The following PRKD2 variants were observed in gnomAD, a reference collection of about 807,000 sequenced individuals.
The protein encoded by PRKD2 is serine/threonine-protein kinase D2.
A neutral mutation model predicts 86.0 loss-of-function variants in PRKD2; 22 were observed. That is an observed-to-expected ratio of 0.26 (90% CI 0.18 to 0.37). PRKD2 has a LOEUF of 0.37. PRKD2 is among the 10% of genes least tolerant of loss of function. The probability of loss-of-function intolerance (pLI) is 1.00; values close to 1 mark genes in which losing one functional copy is unlikely to be tolerated. For synonymous variants in PRKD2, 509 were observed against 510.9 expected, an observed-to-expected ratio of 1.00 and a Z score of 0.05; for missense variants, 818 against 1,199.2, an observed-to-expected ratio of 0.68 and a Z score of 4.70.
At chr19:46,697,526 C>G (rs984684762) in intron 8 of PRKD2, among the ~76,000 whole-genome samples, 1 of 151,156 alleles carries the variant, frequency 6.6e-6, no homozygotes, top group Non-Finnish European at 1.5e-5. Context: ...TTGCCCTGAG[C>G]CCCGGGTCTT....
intron 3 of PRKD2, among the ~76,000 whole-genome samples, chr19:46,706,340 C>T (rs763056391): frequency 1.3e-5 from 2 of 152,176 alleles, no homozygotes; most frequent in Non-Finnish European, 1.5e-5. Flanking sequence ...TTCTGGTACC[C>T]GCCTGCTCCA....
At chr19:46,713,090 C>T (rs2053831273) in intron 2 of PRKD2, among the ~76,000 whole-genome samples, 1 of 151,642 alleles carries the variant, frequency 6.6e-6, no homozygotes, top group Non-Finnish European at 1.5e-5. Flanking sequence ...ATGATCGTGG[C>T]TCACTGCAGC....
rs748977120 is a variant in PRKD2 at position 46,689,659 on chromosome 19, A to C, written c.1849T>G (p.Phe617Val). 2 of 1,614,146 alleles carry C rather than the reference A, an allele frequency of 1.2e-6. No homozygotes were observed. Among genetic ancestry groups the C allele is most frequent in the Non-Finnish European group, 1.7e-6 (2 of 1,180,006 alleles). ...HPGIVNLECM[F>V]ETPEKVFVVM... is the part of the protein sequence containing the mutation. ...ACAAACACTTTCTCAGGCGTCTCGA[A>C]CATGCACTCCAGGTTCACGATCCCG... Residue 617 changes from phenylalanine to valine, a missense_variant, in exon 14 of 18, where the codon TTC becomes GTC. Phe to Val is a conservative substitution (Grantham distance 50). This residue lies in a region of PRKD2 where 154 missense variants were observed against 359.6 expected (regional missense o/e 0.43). Transcript: ENST00000291281.
At position 46,689,755 on chromosome 19, in the gene PRKD2, G is replaced by A. The variant is rs559366551; in HGVS notation, c.1810-57C>T. ...GTAACCCACAAACTCAGACCCCAACGGGTCAGGTATAGGAGCAGGAGGATG... is the reference window on the plus strand; with the variant it reads ...GTAACCCACAAACTCAGACCCCAACAGGTCAGGTATAGGAGCAGGAGGATG... On this transcript the variant is annotated intron_variant, in intron 13 of 17. Coordinates refer to ENST00000291281, the MANE Select transcript of PRKD2 (RefSeq NM_016457.5). The A allele has an allele frequency of 6.9e-6, 11 of 1,595,990 alleles. No homozygotes were observed. The African/African-American group carries it at 8.0e-5, about 12-fold the overall frequency.
At chr19:46,694,901 G>C (rs2053535063) in intron 9 of PRKD2, among the ~76,000 whole-genome samples, 1 of 151,470 alleles carries the variant, frequency 6.6e-6, no homozygotes, top group Non-Finnish European at 1.5e-5. Context: ...TGAGACCCCA[G>C]CTCTACAAAA....
chr19:46,692,734 G>C lies in PRKD2; in HGVS notation c.1577-749C>G, dbSNP rs143539999. 2.6e-5 allele frequency among the ~76,000 whole-genome samples: 4 copies of C among 152,176 alleles called. No homozygotes were observed. In the East Asian group the frequency reaches 7.7e-4, roughly 29 times the overall value. ...CTTCTACCCCCAACATGCTATTCCT[G>C]ACACACTGGCCTCCTTGCTCGGCCT... is the stretch of plus-strand genomic sequence containing the variant. On this transcript the variant is annotated intron_variant, in intron 10 of 17. Transcript: ENST00000291281.
At chr19:46,711,645 G>A (rs535787070) in intron 2 of PRKD2, among the ~76,000 whole-genome samples, 41 of 152,036 alleles carry the variant, frequency 2.7e-4, no homozygotes, top group Middle Eastern at 3.4e-3. Flanking sequence ...TGCCCGCCTC[G>A]GTCTCTCAAA....
intron 15 of PRKD2, among the ~76,000 whole-genome samples, chr19:46,680,173 G>C (rs1187633902): frequency 2.6e-5 from 4 of 152,136 alleles, no homozygotes; most frequent in African/African-American, 9.7e-5. Flanking sequence ...CCCCTGACCT[G>C]AATCTCAATG....
intron 8 of PRKD2, 114 bp downstream of exon 8, chr19:46,697,619 T>C: frequency 2.1e-6 from 2 of 935,622 alleles, no homozygotes; most frequent in Non-Finnish European, 3.3e-6. Flanking sequence ...AGCCCACTAC[T>C]GGCCCCGCTC....
At chr19:46,715,221 C>T (rs1243661183) in intron 1 of PRKD2, among the ~76,000 whole-genome samples, 1 of 151,840 alleles carries the variant, frequency 6.6e-6, no homozygotes, top group Non-Finnish European at 1.5e-5. Context: ...AATTCTTTAG[C>T]ATTCAAGGAC....
chr19:46,709,669 G>C (rs1374630113), intron 3 of PRKD2, among the ~76,000 whole-genome samples: 1 of 152,010 alleles, frequency 6.6e-6, no homozygotes, highest in Non-Finnish European at 1.5e-5. Flanking sequence ...CCCAGTGGAG[G>C]TATTTTCTGG....
intron 15 of PRKD2, 67 bp downstream of exon 15, chr19:46,681,583 T>TTCCCC: frequency 3.9e-5 from 26 of 671,504 alleles, no homozygotes; most frequent in South Asian, 7.4e-5. Flanking sequence ...ATAATCCCCT[T>TTCCCC]CCCCACCCCC....
chr19:46,682,701 A>ATTT (rs71177241), intron 14 of PRKD2, among the ~76,000 whole-genome samples: 12 of 102,854 alleles, frequency 1.2e-4, no homozygotes, highest in East Asian at 2.6e-4. Context: ...ATGTGATTCT[A>ATTT]TTTTTTTTTT....
rs376743100 is a variant in PRKD2 at position 46,704,428 on chromosome 19, G to A, written c.667-37C>T. On this transcript the variant is annotated intron_variant, in intron 4 of 17. Coordinates refer to ENST00000291281, the MANE Select transcript of PRKD2 (RefSeq NM_016457.5). ...AAGAATGGAGGGGACACATCAGTGC[G>A]TTGGCCCCATGCCTGGGCCAAGTCA... The A allele has an allele frequency of 2.9e-5, 46 of 1,613,808 alleles. No individual in the cohort carries two copies. In the East Asian group the frequency reaches 6.2e-4, roughly 22 times the overall value.
At chr19:46,689,116 C>CTT (rs58378541) in intron 14 of PRKD2, 21 of 109,896 alleles carry the variant, frequency 1.9e-4, no homozygotes, top group African/African-American at 3.2e-4. Context: ...ATTATGGTTC[C>CTT]TTTTTTTTTT....
At chr19:46,706,332 C>CT (rs981998294) in intron 3 of PRKD2, among the ~76,000 whole-genome samples, 1 of 152,194 alleles carries the variant, frequency 6.6e-6, no homozygotes, top group Non-Finnish European at 1.5e-5. Flanking sequence ...GGGAGCCCTT[C>CT]TGGTACCCGC....
chr19:46,711,945 G>C (rs1051966203), intron 2 of PRKD2, among the ~76,000 whole-genome samples: 1 of 151,726 alleles, frequency 6.6e-6, no homozygotes, highest in Admixed American at 6.6e-5. Flanking sequence ...CCGCGTGCCT[G>C]TAATCCCAGC....
intron 16 of PRKD2, among the ~76,000 whole-genome samples, chr19:46,675,720 C>T (rs979825632): frequency 2.6e-5 from 4 of 151,682 alleles, no homozygotes; most frequent in African/African-American, 9.7e-5. Flanking sequence ...GTTGGGATTA[C>T]AGGCATGAGC....
At chr19:46,714,109 CAG>C (rs2053849080) in intron 1 of PRKD2, 108 bp from the exon 2 acceptor site, 1 of 1,460,736 alleles carries the variant, frequency 6.8e-7, no homozygotes, top group Non-Finnish European at 9.1e-7. Context: ...CCCGGAAACG[CAG>C]AGACCCCGCA....
Sources: gnomAD v4.1 joint callset for allele counts (sites outside exome capture counted in the v4.1 genomes callset) on GRCh38, gnomAD v4.1.1 for gene constraint, gnomAD v4.1.1 regional missense constraint, MANE v1.5 for transcripts, NCBI Gene and HGNC (gene_info 2026-07-23, HGNC 2026-07-21) for gene names.